OR10K2: variants seen among roughly 807,000 people sequenced by gnomAD.
OR10K2 encodes olfactory receptor 10K2.
For synonymous variants in OR10K2, 169 were observed against 146.4 expected (o/e 1.15, Z -1.11); for missense variants, 401 against 367.1 (o/e 1.09, Z -0.76).
Position 158,418,980 on chromosome 1 carries a change from T to C in OR10K2, c.*948A>G, listed in dbSNP as rs1655090324. 1 of 152,146 alleles carries C rather than the reference T, an allele frequency of 6.6e-6. No homozygotes were observed. The highest frequency in any genetic ancestry group is 2.4e-5 in the African/African-American group (1 of 41,442). The allele number at this position is 152,146 out of a possible 1,614,324, so 9.4% of individuals were successfully genotyped here. A position where few individuals can be genotyped will look rare whatever the true frequency, so the allele number is the denominator to read the frequency against. ...TCATTTAGGGTGATTTTAGGTCTTGTCATTAATCCATTCCCCTGTGAATAT... is the reference window on the plus strand; with the variant it reads ...TCATTTAGGGTGATTTTAGGTCTTGCCATTAATCCATTCCCCTGTGAATAT... On this transcript the variant is annotated 3_prime_UTR_variant, in exon 2 of 2. Coordinates refer to ENST00000641042, the MANE Select transcript of OR10K2 (RefSeq NM_001004476.2).
intron 1 of OR10K2, among the ~76,000 whole-genome samples, chr1:158,423,755 G>A (rs1655204850): frequency 6.6e-6 from 1 of 151,904 alleles, no homozygotes; most frequent in South Asian, 2.1e-4. Flanking sequence ...CTTCCCTTGA[G>A]GCTCTCCAAG....
chr1:158,419,962 CA>C lies in OR10K2; in HGVS notation c.904del (p.Cys302ValfsTer4), dbSNP rs1655109620. On this transcript the variant is annotated frameshift_variant, in exon 2 of 2. Transcript: ENST00000641042. LOFTEE classifies it low-confidence loss of function (END_TRUNC). Reference protein sequence around the residue: ...LRNKEFKSALCKIVRRTISLL With the variant: ...LRNKEFKSALXKIVRRTISLL Reference sequence around the variant, plus strand: ...GGAAATTGTTCTTCTCACAATTTTACAAAGAGCTGATTTGAACTCTTTATTT... The same window carrying C: ...GGAAATTGTTCTTCTCACAATTTTACAAGAGCTGATTTGAACTCTTTATTT... 1.2e-6 allele frequency: 2 copies of C among 1,610,984 alleles called. No individual in the cohort carries two copies. Among genetic ancestry groups the C allele is most frequent in the Non-Finnish European group, 8.5e-7 (1 of 1,178,604 alleles).
In OR10K2 at chr1:158,420,729, A is replaced by C; in HGVS notation, c.138T>G (p.Ile46Met). ...GGGCCCTGTCCAGGACAATGGTGGA[A>C]ATGATGATTGCATTGGTGCCCAGAG... ...LFTLGTNAIIISTIVLDRALH... is the reference protein window; with the variant it reads ...LFTLGTNAIIMSTIVLDRALH... The change falls in exon 2 of 2, where the codon ATT becomes ATG. Residue 46 changes from isoleucine to methionine, a missense_variant. By Grantham distance (10) the Ile-to-Met change is conservative. Transcript: ENST00000641042. The C allele has an allele frequency of 6.2e-7, 1 of 1,613,768 alleles. No homozygotes were observed. Among genetic ancestry groups the C allele is most frequent in the Non-Finnish European group, 8.5e-7 (1 of 1,179,832 alleles).
Position 158,420,406 on chromosome 1 carries a change from G to C in OR10K2, c.461C>G (p.Thr154Ser). ...LVAAACACGF[T>S]VAQIITSLVF... Reference sequence around the variant, plus strand: ...CAAGGATGTGATGATCTGTGCAACAGTGAAGCCACAGGCACAGGCAGCAGC... The same window carrying C: ...CAAGGATGTGATGATCTGTGCAACACTGAAGCCACAGGCACAGGCAGCAGC... Residue 154 changes from threonine (T) to serine (S), a missense_variant, in exon 2 of 2, where the codon ACT (threonine) becomes AGT (serine). Coordinates refer to ENST00000641042, the MANE Select transcript of OR10K2 (RefSeq NM_001004476.2). 1 of 1,613,902 alleles carries C rather than the reference G, an allele frequency of 6.2e-7. No homozygotes were observed. The highest frequency in any genetic ancestry group is 8.5e-7 in the Non-Finnish European group (1 of 1,179,908).
rs565349578 is a variant in OR10K2, at chr1:158,421,787, T to A, written c.-61-860A>T. On this transcript the variant is annotated intron_variant, in intron 1 of 1. Coordinates refer to ENST00000641042, the MANE Select transcript of OR10K2 (RefSeq NM_001004476.2). Reference sequence around the variant, plus strand: ...TTTTACTTATGGCTATAGTATAGAGTTCAAACTCTTCATTGTTTCCAAAAG... The same window carrying A: ...TTTTACTTATGGCTATAGTATAGAGATCAAACTCTTCATTGTTTCCAAAAG... Among the ~76,000 whole-genome samples, 34 of 152,276 alleles carry A rather than the reference T, an allele frequency of 2.2e-4. 2 individuals are homozygous for A. In the South Asian group the frequency reaches 5.4e-3, roughly 24 times the overall value.
chr1:158,418,862 G>T lies in OR10K2; in HGVS notation c.*1066C>A, dbSNP rs1392501373. ...AAATGTACATGCAAACTCTTGAGTT[G>T]CATGGAGAACAGATTGATTGTTCCA... is the stretch of plus-strand genomic sequence containing the variant. On this transcript the variant is annotated 3_prime_UTR_variant, in exon 2 of 2. Coordinates refer to ENST00000641042, the MANE Select transcript of OR10K2 (RefSeq NM_001004476.2). 6.6e-6 allele frequency: 1 copy of T among 152,086 alleles called. No homozygotes were observed. Among genetic ancestry groups the T allele is most frequent in the East Asian group, 1.9e-4 (1 of 5,168 alleles). 9.4% of individuals were successfully genotyped at this position (152,086 alleles called of 1,614,324 possible).
rs762306649 is a variant in OR10K2 at position 158,420,502 on chromosome 1, C to T, written c.365G>A (p.Arg122His). Residue 122 changes from arginine (R) to histidine (H), a missense_variant, in exon 2 of 2, where the codon CGT becomes CAT. Transcript: ENST00000641042. ...SFLLAVMGYD[R>H]YIAICNPLRY... is the part of the protein sequence containing the mutation. The stretch of plus-strand genomic sequence containing the variant: ...CAGTGGGTTACAGATGGCTATGTAA[C>T]GATCATAACCCATGACTGCCAGCAG... 5.3e-5 allele frequency: 85 copies of T among 1,613,672 alleles called. No homozygotes were observed. In the East Asian group the frequency reaches 7.1e-4, roughly 14 times the overall value.
At position 158,418,949 on chromosome 1, in the gene OR10K2, GC is replaced by G. The variant is rs1328247203; in HGVS notation, c.*978del. 6.6e-6 allele frequency: 1 copy of G among 152,028 alleles called. No individual in the cohort carries two copies. Among genetic ancestry groups the G allele is most frequent in the Non-Finnish European group, 1.5e-5 (1 of 67,992 alleles). 9.4% of individuals were successfully genotyped at this position (152,028 alleles called of 1,614,324 possible). ...ATTGACTTAATCTTTAGCTTGCCTT[GC>G]CTGGTCATTTAGGGTGATTTTAGGT... On this transcript the variant is annotated 3_prime_UTR_variant, in exon 2 of 2. Transcript: ENST00000641042.
chr1:158,420,654 A>T lies in OR10K2; in HGVS notation c.213T>A (p.Ile71=). 1 of 1,613,944 alleles carries T rather than the reference A, an allele frequency of 6.2e-7. No individual in the cohort carries two copies. The highest frequency in any genetic ancestry group is 8.5e-7 in the Non-Finnish European group (1 of 1,179,910). The change falls in exon 2 of 2, where the codon ATT becomes ATA. Residue 71 remains isoleucine (I), a synonymous_variant. Transcript: ENST00000641042. ...TGGGTACAATGATGAAGGTGTAGCAAATCTCAGAGCAAGAGAGGATGGCAA... is the reference window on the plus strand; with the variant it reads ...TGGGTACAATGATGAAGGTGTAGCATATCTCAGAGCAAGAGAGGATGGCAA... ...FFLAILSCSE[I]CYTFIIVPKM...
chr1:158,425,836 A>T (rs1161899572), intron 1 of OR10K2, 97 bp downstream of exon 1: 1 of 152,094 alleles, frequency 6.6e-6, no homozygotes, highest in Non-Finnish European at 1.5e-5. Context: ...AACTTAAATA[A>T]TCCTGATTAA....
chr1:158,420,215 A>G lies in OR10K2; in HGVS notation c.652T>C (p.Tyr218His), dbSNP rs146601745. 4.5e-5 allele frequency: 72 copies of G among 1,613,658 alleles called. No individual in the cohort carries two copies. Among genetic ancestry groups the G allele is most frequent in the African/African-American group, 2.1e-4 (16 of 74,884 alleles). Residue 218 changes from tyrosine (Y) to histidine (H), a missense_variant, in exon 2 of 2, where the codon TAT (tyrosine) becomes CAT (histidine). Tyr to His is a moderately conservative substitution (Grantham distance 83). Coordinates refer to ENST00000641042, the MANE Select transcript of OR10K2 (RefSeq NM_001004476.2). ...AGTATGGCAGAGAGGATGTGAACATAGGACACCAAGATCAACAATAAGGGG... is the reference window on the plus strand; with the variant it reads ...AGTATGGCAGAGAGGATGTGAACATGGGACACCAAGATCAACAATAAGGGG... ...AIPLLLILVS[Y>H]VHILSAILQF...
chr1:158,420,144 A>G lies in OR10K2; in HGVS notation c.723T>C (p.Cys241=). The G allele has an allele frequency of 6.2e-7, 1 of 1,613,784 alleles. No homozygotes were observed. Among genetic ancestry groups the G allele is most frequent in the Non-Finnish European group, 8.5e-7 (1 of 1,179,872 alleles). Residue 241 remains cysteine, a synonymous_variant, in exon 2 of 2, where the codon TGT becomes TGC. Coordinates refer to ENST00000641042, the MANE Select transcript of OR10K2 (RefSeq NM_001004476.2). ...TLGRCKAFST[C]VSHLIIVTVH... ...CAGTGACAATAATGAGGTGAGATAC[A>G]CAGGTAGAAAAAGCTTTGCACCTAC...
chr1:158,419,852 T>G lies in OR10K2; in HGVS notation c.*76A>C. 1 of 1,256,346 alleles carries G rather than the reference T, an allele frequency of 8.0e-7. No individual in the cohort carries two copies. Among genetic ancestry groups the G allele is most frequent in the Non-Finnish European group, 1.1e-6 (1 of 893,164 alleles). 77.8% of individuals were successfully genotyped at this position (1,256,346 alleles called of 1,614,324 possible). A position where few individuals can be genotyped will look rare whatever the true frequency, so the allele number is the denominator to read the frequency against. On this transcript the variant is annotated 3_prime_UTR_variant, in exon 2 of 2. Coordinates refer to ENST00000641042, the MANE Select transcript of OR10K2 (RefSeq NM_001004476.2). ...GTCTTGAAGTCCTGACCTCAGGTGA[T>G]CCACCTGTCTCAGCCTTCCAAAATG...
Sources: allele counts gnomAD v4.1 joint callset (sites outside exome capture counted in the v4.1 genomes callset), GRCh38; gene constraint gnomAD v4.1.1; transcripts MANE v1.5; gene names NCBI Gene and HGNC (gene_info 2026-07-23, HGNC 2026-07-21).